KIF19: variants seen among roughly 807,000 people sequenced by gnomAD.
KIF19 encodes the protein kinesin family member 19, also known as kinesin-like protein KIF19.
A neutral mutation model predicts 106.6 loss-of-function variants in KIF19; 98 were observed. That is an observed-to-expected ratio of 0.92 (90% CI 0.78 to 1.09). The LOEUF is 1.09. KIF19 is among the 50% of genes least tolerant of loss of function. The probability of loss-of-function intolerance (pLI) is 0.00; values close to 1 mark genes in which losing one functional copy is unlikely to be tolerated. For synonymous variants in KIF19, 516 were observed against 584.2 expected (o/e 0.88, Z 1.68); for missense variants, 1,373 against 1,414.3 (o/e 0.97, Z 0.47).
intron 6 of KIF19, 63 bp from the exon 7 acceptor site, chr17:74,344,698 G>A (rs567683553): frequency 1.3e-6 from 2 of 1,520,748 alleles, no homozygotes; most frequent in Admixed American, 3.7e-5. Flanking sequence ...CCCCTCAGGG[G>A]CTCCTCTCTG....
At chr17:74,337,295 G>A (rs1394856715) in intron 2 of KIF19, among the ~76,000 whole-genome samples, 1 of 143,462 alleles carries the variant, frequency 7.0e-6, no homozygotes, top group Non-Finnish European at 1.5e-5. Flanking sequence ...AGGCTCAGAG[G>A]ATGTACAGAA....
Position 74,353,268 on chromosome 17 carries a change from T to A in KIF19, c.2187T>A (p.Pro729=), listed in dbSNP as rs751912765. Residue 729 remains proline (P), a synonymous_variant, in exon 16 of 20, where the codon CCT becomes CCA. Coordinates refer to ENST00000389916, the MANE Select transcript of KIF19 (RefSeq NM_153209.4). The part of the protein sequence containing the change: ...QAKSSSVPTP[P]PIQLGSLVTQ... ...AAAGCTCCTCTGTGCCCACCCCACC[T>A]CCCATCCAGCTCGGCAGCCTGGTGA... is the stretch of plus-strand genomic sequence containing the variant. 4 of 1,579,404 alleles carry A rather than the reference T, an allele frequency of 2.5e-6. No homozygotes were observed. In the South Asian group the frequency reaches 4.6e-5, roughly 18 times the overall value.
rs763267947 is a variant in KIF19, at chr17:74,341,995, G to A, written c.231+9G>A. The stretch of plus-strand genomic sequence containing the variant: ...ACTTCACCGCCACCCAGGTGAGGGA[G>A]GGCCTGGGCTGGAGACACGCAGGAG... On this transcript the variant is annotated intron_variant, in intron 3 of 19. Transcript: ENST00000389916. 3.8e-6 allele frequency: 6 copies of A among 1,599,324 alleles called. No individual in the cohort carries two copies. Among genetic ancestry groups the A allele is most frequent in the South Asian group, 1.1e-5 (1 of 90,606 alleles).
Position 74,345,230 on chromosome 17 carries a change from G to A in KIF19, c.777+275G>A, listed in dbSNP as rs112133671. Among the ~76,000 whole-genome samples the A allele has an allele frequency of 9.7e-3, 1,480 of 152,242 alleles. 21 individuals carry two copies. Among genetic ancestry groups the A allele is most frequent in the South Asian group, 0.039 (187 of 4,824 alleles). On this transcript the variant is annotated intron_variant, in intron 7 of 19. Coordinates refer to ENST00000389916, the MANE Select transcript of KIF19 (RefSeq NM_153209.4). ...GGGGGGAATGGGGTAGGGCATCCCG[G>A]GAAGAGCCAAGGAGCTCTGGTGGGA... is the stretch of plus-strand genomic sequence containing the variant.
In KIF19 at chr17:74,331,580, T is replaced by TTTA. The variant is rs2054082875; in HGVS notation, c.120+3077_120+3078insATT. On this transcript the variant is annotated intron_variant, in intron 2 of 19. Coordinates refer to ENST00000389916, the MANE Select transcript of KIF19 (RefSeq NM_153209.4). This position sits in a 1 kb window ranked among gnomAD's most constrained non-coding sequence, Gnocchi z 4.1. ...GGGAAGCTGGAGTTCGGATTTGGAT[T>TTTA]TTTTTTTTTTTCTTGTGATGGAGTC... Among the ~76,000 whole-genome samples the TTTA allele has an allele frequency of 6.8e-6, 1 of 148,146 alleles. No individual in the cohort carries two copies. The highest frequency in any genetic ancestry group is 2.1e-4 in the South Asian group (1 of 4,656).
At chr17:74,353,013 C>T (rs1394801787) in intron 15 of KIF19, 59 bp downstream of exon 15, 3 of 1,597,234 alleles carry the variant, frequency 1.9e-6, no homozygotes, top group Non-Finnish European at 2.6e-6. Context: ...GAGAGGCCAA[C>T]CCAGACTAAG....
intron 12 of KIF19, 184 bp downstream of exon 12, chr17:74,351,089 G>C: frequency 7.8e-6 from 5 of 641,538 alleles, no homozygotes; most frequent in Non-Finnish European, 1.4e-5. Context: ...CCTGTAAAAT[G>C]GGAGCAGTCC....
chr17:74,342,980 CTCCCAG>C, intron 4 of KIF19, 38 bp from the exon 5 acceptor site: 6 of 1,544,204 alleles, frequency 3.9e-6, no homozygotes, highest in Non-Finnish European at 5.2e-6. Context: ...CAAGGCCTCC[CTCCCAG>C]CCCCACCCCG....
chr17:74,339,089 C>T (rs1035696389), intron 2 of KIF19, among the ~76,000 whole-genome samples: 21 of 152,024 alleles, frequency 1.4e-4, no homozygotes, highest in African/African-American at 4.3e-4. Context: ...ATCTTATCCC[C>T]GGTTGAGTTA....
At chr17:74,344,725 A>G in intron 6 of KIF19, 36 bp from the exon 7 acceptor site, 1 of 1,582,386 alleles carries the variant, frequency 6.3e-7, no homozygotes, top group Non-Finnish European at 8.6e-7. Flanking sequence ...CACCTACGGC[A>G]GTCGCTAAGA....
chr17:74,344,019 G>A (rs1009213717), intron 5 of KIF19, among the ~76,000 whole-genome samples: 1 of 152,186 alleles, frequency 6.6e-6, no homozygotes, highest in Non-Finnish European at 1.5e-5. Flanking sequence ...GCAGCCCGAT[G>A]TTTCCTGTGG....
chr17:74,342,042 C>T, intron 3 of KIF19, 56 bp downstream of exon 3: 1 of 1,368,236 alleles, frequency 7.3e-7, no homozygotes. Flanking sequence ...CCCTTAGCCC[C>T]ACTCAGGAGG....
At position 74,332,179 on chromosome 17, in the gene KIF19, AGT is replaced by A. The variant is rs1270595840; in HGVS notation, c.120+3703_120+3704del. ...AGGACGGTTCCCAAATGAACACCTCAGTGTGTGTGTGTGTGTGTGTGTGTGTG... is the reference window on the plus strand; with the variant it reads ...AGGACGGTTCCCAAATGAACACCTCAGTGTGTGTGTGTGTGTGTGTGTGTG... On this transcript the variant is annotated intron_variant, in intron 2 of 19. Transcript: ENST00000389916. Among the ~76,000 whole-genome samples, 557 of 117,784 alleles carry A rather than the reference AGT, an allele frequency of 4.7e-3. 3 individuals carry two copies. Among genetic ancestry groups the A allele is most frequent in the African/African-American group, 0.017 (534 of 31,566 alleles). The allele number at this position is 117,784 out of a possible 152,430, so 77.3% of individuals were successfully genotyped here. A position where few individuals can be genotyped will look rare whatever the true frequency, so the allele number is the denominator to read the frequency against.
chr17:74,351,961 A>T lies in KIF19; in HGVS notation c.1682A>T (p.Glu561Val). The T allele has an allele frequency of 6.6e-7, 1 of 1,508,486 alleles. No individual in the cohort carries two copies. The allele number at this position is 1,508,486 out of a possible 1,614,324, so 93.4% of individuals were successfully genotyped here. The change falls in exon 13 of 20, where the codon GAG becomes GTG. Residue 561 changes from glutamate (E) to valine (V), a missense_variant. Glu to Val is a moderately radical substitution (Grantham distance 121). Around this residue, in one of 3 missense-constraint regions of KIF19, gnomAD observed 1,020 missense variants for 1,008.2 expected, o/e 1.01. Coordinates refer to ENST00000389916, the MANE Select transcript of KIF19 (RefSeq NM_153209.4). ...PRRIGSEEQR[E>V]VLSLLCRVHE... ...CGCATCGGCTCCGAGGAGCAGCGCGAGGTGCTCAGCCTGCTGTGCCGCGTG... is the reference window on the plus strand; with the variant it reads ...CGCATCGGCTCCGAGGAGCAGCGCGTGGTGCTCAGCCTGCTGTGCCGCGTG...
rs904836598 is a variant in KIF19 at position 74,342,554 on chromosome 17, G to A, written c.232-76G>A. On this transcript the variant is annotated intron_variant, in intron 3 of 19. Transcript: ENST00000389916. ...AGGGACAGAAACCTCTCCTATCAGA[G>A]GTCAGGAAGAGCCAGTGGGTGCCTG... 4.4e-6 allele frequency: 5 copies of A among 1,125,172 alleles called. No homozygotes were observed. The African/African-American group carries it at 6.1e-5, about 14-fold the overall frequency. 69.7% of individuals were successfully genotyped at this position (1,125,172 alleles called of 1,614,324 possible).
chr17:74,352,879 T>C lies in KIF19; in HGVS notation c.2039T>C (p.Leu680Pro), dbSNP rs757537017. The change falls in exon 15 of 20, where the codon CTG (leucine) becomes CCG (proline). Residue 680 changes from leucine (L) to proline (P), a missense_variant. Physicochemically the swap from Leu to Pro is moderately conservative, Grantham distance 98. Coordinates refer to ENST00000389916, the MANE Select transcript of KIF19 (RefSeq NM_153209.4). ...ACCTCACTGACCCCAGATTCTGACC[T>C]GGAGAGTGTGAAGACATTGAGCTCT... ...AGTSLTPDSD[L>P]ESVKTLSSDA... 3.1e-6 allele frequency: 5 copies of C among 1,613,846 alleles called. No individual in the cohort carries two copies. The highest frequency in any genetic ancestry group is 4.2e-6 in the Non-Finnish European group (5 of 1,179,876).
rs546218349 is a variant in KIF19, at chr17:74,344,117, G to T, written c.457-106G>T. Reference sequence around the variant, plus strand: ...AGAAGAGCCTGGGCTCAGGAAGGGTGAACTCTTGTCCCTTTCCTGCACGAA... The same window carrying T: ...AGAAGAGCCTGGGCTCAGGAAGGGTTAACTCTTGTCCCTTTCCTGCACGAA... On this transcript the variant is annotated intron_variant, in intron 5 of 19. Transcript: ENST00000389916. 23 of 1,094,232 alleles carry T rather than the reference G, an allele frequency of 2.1e-5. No homozygotes were observed. The South Asian group carries it at 3.3e-4, about 16-fold the overall frequency. 67.8% of individuals were successfully genotyped at this position (1,094,232 alleles called of 1,614,324 possible).
chr17:74,340,582 A>G (rs2054344369), intron 2 of KIF19, among the ~76,000 whole-genome samples: 3 of 31,472 alleles, frequency 9.5e-5, no homozygotes, highest in Admixed American at 9.2e-4. Context: ...CACTGCTGCC[A>G]CTCCTACCCT....
Position 74,355,306 on chromosome 17 carries a change from T to A in KIF19, c.2991T>A (p.His997Gln), listed in dbSNP as rs747346555. 1.9e-6 allele frequency: 3 copies of A among 1,608,550 alleles called. No homozygotes were observed. The highest frequency in any genetic ancestry group is 2.5e-6 in the Non-Finnish European group (3 of 1,178,406). ...STHGKDGCSR[H>Q]N ...ATGGCAAAGATGGATGCTCCCGGCA[T>A]AACTGAGGGGCCCTGCCTGGAACTG... is the stretch of plus-strand genomic sequence containing the variant. The change falls in exon 20 of 20, where the codon CAT becomes CAA. Residue 997 changes from histidine (H) to glutamine (Q), a missense_variant. Physicochemically the swap from His to Gln is conservative, Grantham distance 24 (BLOSUM62 0). This residue lies in a region of KIF19 where 1,020 missense variants were observed against 1,008.2 expected (regional missense o/e 1.01). Coordinates refer to ENST00000389916, the MANE Select transcript of KIF19 (RefSeq NM_153209.4).
Sources: allele counts gnomAD v4.1 joint callset (sites outside exome capture counted in the v4.1 genomes callset), GRCh38; gene constraint gnomAD v4.1.1; regional missense constraint gnomAD v4.1.1; non-coding constraint Gnocchi (gnomAD v3.1); transcripts MANE v1.5; gene names NCBI Gene and HGNC (gene_info 2026-07-23, HGNC 2026-07-21).